KCNIP4: variants seen among roughly 807,000 people sequenced by gnomAD.
KCNIP4 encodes Kv channel-interacting protein 4.
Under a neutral mutation model 34.0 loss-of-function variants are expected in KCNIP4, and 12 were observed. The ratio of observed to expected loss-of-function variants is 0.35; its 90% CI spans 0.23 to 0.57. The LOEUF (loss-of-function observed/expected upper bound fraction) is 0.57, where lower values mean the gene tolerates loss of function less well. Among genes scored for constraint, KCNIP4 ranks in the 20% least tolerant of loss-of-function variants. The probability of loss-of-function intolerance (pLI) is 0.83; values close to 1 mark genes in which losing one functional copy is unlikely to be tolerated. For missense variants in KCNIP4, 238 were observed against 311.7 expected (o/e 0.76, Z 1.78); for synonymous variants, 124 against 102.2 (o/e 1.21, Z -1.29).
intron 1 of KCNIP4, among the ~76,000 whole-genome samples, chr4:21,290,356 AT>A (rs969188204): frequency 1.3e-5 from 2 of 152,122 alleles, no homozygotes; most frequent in Non-Finnish European, 2.9e-5. Flanking sequence ...GGAAAAAAAA[AT>A]AATGTATGTT....
At chr4:20,892,188 G>A (rs760347475) in intron 1 of KCNIP4, among the ~76,000 whole-genome samples, 14 of 152,220 alleles carry the variant, frequency 9.2e-5, no homozygotes, top group Middle Eastern at 3.4e-3. Flanking sequence ...GACCTGTTTT[G>A]TTATGCTTGA....
chr4:21,231,559 G>A (rs148927107), intron 1 of KCNIP4, among the ~76,000 whole-genome samples: 4 of 152,136 alleles, frequency 2.6e-5, no homozygotes, highest in East Asian at 1.9e-4. Flanking sequence ...TTAAAACTGT[G>A]CCTTGGTATT....
chr4:21,852,538 G>A (rs1036475104), intron 1 of KCNIP4: 1 of 152,144 alleles, frequency 6.6e-6, no homozygotes, highest in Non-Finnish European at 1.5e-5. Context: ...TGTTAATAGG[G>A]TAGATTTAAG....
At chr4:20,880,931 G>A (rs58556313) in intron 2 of KCNIP4, among the ~76,000 whole-genome samples, 5,436 of 152,212 alleles carry the variant, frequency 0.036, 97 homozygotes, top group African/African-American at 0.053. Flanking sequence ...TCACAGCAAT[G>A]TATCTAAACT....
At chr4:21,596,821 T>C (rs1441569261) in intron 1 of KCNIP4, among the ~76,000 whole-genome samples, 1 of 151,826 alleles carries the variant, frequency 6.6e-6, no homozygotes, top group Non-Finnish European at 1.5e-5. Flanking sequence ...GGTGTGGAGC[T>C]AAAAGCGAGG....
intron 1 of KCNIP4, among the ~76,000 whole-genome samples, chr4:21,829,651 G>A (rs760240538): frequency 6.6e-6 from 1 of 151,726 alleles, no homozygotes; most frequent in Admixed American, 6.6e-5. Flanking sequence ...TTGTATATAA[G>A]CTTCACAGTT....
Position 21,021,176 on chromosome 4 carries a change from T to G in KCNIP4, c.62-138467A>C, listed in dbSNP as rs1740001962. Among the ~76,000 whole-genome samples the G allele has an allele frequency of 3.9e-5, 6 of 152,316 alleles. No homozygotes were observed. In the South Asian group the frequency reaches 1.0e-3, roughly 26 times the overall value. On this transcript the variant is annotated intron_variant, in intron 1 of 8. Transcript: ENST00000382152. ...ACACAATTTTAAGTATTTGTGTATT[T>G]TAACATACCTGAACATAGAAGAAGT...
chr4:21,624,491 T>G (rs1486718875), intron 1 of KCNIP4, among the ~76,000 whole-genome samples: 1 of 152,172 alleles, frequency 6.6e-6, no homozygotes, highest in Non-Finnish European at 1.5e-5. Flanking sequence ...TGATTCATAT[T>G]GATGTATTTA....
intron 1 of KCNIP4, among the ~76,000 whole-genome samples, chr4:21,074,567 G>C (rs537097989): frequency 1.3e-5 from 2 of 152,102 alleles, no homozygotes; most frequent in South Asian, 4.2e-4. Context: ...TATTAACTTT[G>C]TTGATCTTTT....
chr4:21,404,029 C>T (rs2109562864), intron 1 of KCNIP4, among the ~76,000 whole-genome samples: 1 of 152,266 alleles, frequency 6.6e-6, no homozygotes, highest in African/African-American at 2.4e-5. Context: ...AAACCGTAGC[C>T]CATACTTTCC....
intron 1 of KCNIP4, among the ~76,000 whole-genome samples, chr4:21,827,391 AT>A (rs1433678905): frequency 3.3e-5 from 5 of 152,116 alleles, no homozygotes; most frequent in African/African-American, 1.2e-4. Context: ...TTCTTGAGAA[AT>A]TTCAGTGTTT....
chr4:21,733,444 C>T (rs1217514822), intron 1 of KCNIP4, among the ~76,000 whole-genome samples: 2 of 152,146 alleles, frequency 1.3e-5, no homozygotes, highest in Admixed American at 1.3e-4. Context: ...TACACACACA[C>T]ATATACGCAC....
chr4:21,248,578 A>C (rs1038153537), intron 1 of KCNIP4, among the ~76,000 whole-genome samples: 8 of 152,134 alleles, frequency 5.3e-5, no homozygotes, highest in Non-Finnish European at 1.2e-4. Flanking sequence ...ATGTGAACTT[A>C]TGTCCTTTTT....
At chr4:21,942,052 G>T (rs1730232591) in intron 1 of KCNIP4, among the ~76,000 whole-genome samples, 1 of 152,128 alleles carries the variant, frequency 6.6e-6, no homozygotes, top group African/African-American at 2.4e-5. Context: ...ACTTCTGCTT[G>T]TCTCAGCCTT....
At chr4:20,735,076 CA>C (rs1290488472) in intron 5 of KCNIP4, among the ~76,000 whole-genome samples, 2 of 151,790 alleles carry the variant, frequency 1.3e-5, no homozygotes, top group Non-Finnish European at 2.9e-5. Flanking sequence ...ATAGTTTTTT[CA>C]AAAAAATACA....
Position 21,291,916 on chromosome 4 carries a change from AAAGAAAGAAAGAAAGAAAGAAAAAAAAAG to A in KCNIP4, c.62-409236_62-409208del, listed in dbSNP as rs1444405472. On this transcript the variant is annotated intron_variant, in intron 1 of 8. Coordinates refer to ENST00000382152, the MANE Select transcript of KCNIP4 (RefSeq NM_025221.6). Reference sequence around the variant, plus strand: ...GAAAGAAAGAAAGAAAGAAAGAAAGAAAGAAAGAAAGAAAGAAAGAAAAAAAAAGAAAAAAGTCTGATGAATAAATCTTC... The same window carrying A: ...GAAAGAAAGAAAGAAAGAAAGAAAGAAAAAAAGTCTGATGAATAAATCTTC... Among the ~76,000 whole-genome samples the A allele has an allele frequency of 1.9e-4, 18 of 92,686 alleles. 3 individuals carry two copies. Among genetic ancestry groups the A allele is most frequent in the South Asian group, 7.3e-4 (2 of 2,734 alleles). The allele number at this position is 92,686 out of a possible 152,430, so 60.8% of individuals were successfully genotyped here. A position where few individuals can be genotyped will look rare whatever the true frequency, so the allele number is the denominator to read the frequency against.
chr4:21,514,889 G>A (rs2109931931), intron 1 of KCNIP4, among the ~76,000 whole-genome samples: 2 of 152,274 alleles, frequency 1.3e-5, no homozygotes, highest in Admixed American at 1.3e-4. Context: ...GTGCCTGCAA[G>A]AAGACATTTC....
At chr4:21,572,779 A>G (rs1740460347) in intron 1 of KCNIP4, among the ~76,000 whole-genome samples, 2 of 152,126 alleles carry the variant, frequency 1.3e-5, no homozygotes, top group Admixed American at 6.5e-5. Context: ...GGCATGTGCC[A>G]CCACACCCAG....
At chr4:20,749,598 A>G (rs1255352128) in intron 5 of KCNIP4, 64 bp downstream of exon 5, 1 of 1,158,240 alleles carries the variant, frequency 8.6e-7, no homozygotes, top group African/African-American at 1.5e-5. Context: ...CCAAACTCAC[A>G]TTTTCCCCCT....
Sources: gnomAD v4.1 joint callset for allele counts (sites outside exome capture counted in the v4.1 genomes callset) on GRCh38, gnomAD v4.1.1 for gene constraint, MANE v1.5 for transcripts, NCBI Gene and HGNC (gene_info 2026-07-23, HGNC 2026-07-21) for gene names.